The following CHPT1 variants were observed in gnomAD, a reference collection of about 807,000 sequenced individuals.
CHPT1 encodes the protein cholinephosphotransferase 1.
CHPT1 carries 36 observed loss-of-function variants against 47.6 expected under a neutral mutation model. That is an observed-to-expected ratio of 0.76 (90% confidence interval 0.58 to 1.00). CHPT1 has a LOEUF of 1.00. Among genes scored for constraint, CHPT1 ranks in the 50% least tolerant of loss-of-function variants. The pLI is 0.00. For synonymous variants in CHPT1, 194 were observed against 186.3 expected, an observed-to-expected ratio of 1.04 and a Z score of -0.33; for missense variants, 458 against 498.1, an observed-to-expected ratio of 0.92 and a Z score of 0.77.
rs544388294 is a variant in CHPT1 at position 101,702,759 on chromosome 12, C to T, written c.273+4625C>T. On this transcript the variant is annotated intron_variant, in intron 1 of 8. Coordinates refer to ENST00000229266, the MANE Select transcript of CHPT1 (RefSeq NM_020244.3). ...ACTTTTCAAGCATCATTTATTAAGG[C>T]AGGACTCTTGTAAGGGCGTGACCTC... is the stretch of plus-strand genomic sequence containing the variant. Among the ~76,000 whole-genome samples the T allele has an allele frequency of 3.1e-4, 47 of 152,080 alleles. No homozygotes were observed. In the South Asian group the frequency reaches 8.1e-3, roughly 26 times the overall value.
rs1348933662 is a variant in CHPT1, at chr12:101,728,833, A to C, written c.1177-68A>C. 2.6e-6 allele frequency: 4 copies of C among 1,566,478 alleles called. No individual in the cohort carries two copies. The African/African-American group carries it at 5.4e-5, about 21-fold the overall frequency. The stretch of plus-strand genomic sequence containing the variant: ...ACAGGTTTATGATTAAAGATGTTAC[A>C]ATTAAACTATTCTAAAGACTTACAA... On this transcript the variant is annotated intron_variant, in intron 8 of 8. Coordinates refer to ENST00000229266, the MANE Select transcript of CHPT1 (RefSeq NM_020244.3).
intron 1 of CHPT1, among the ~76,000 whole-genome samples, chr12:101,710,357 A>G (rs1036510593): frequency 6.7e-6 from 1 of 149,100 alleles, no homozygotes; most frequent in Admixed American, 6.8e-5. Flanking sequence ...GAACAAAAAA[A>G]GGAAAGAAAA....
At chr12:101,722,735 GA>G (rs1951874008) in intron 5 of CHPT1, among the ~76,000 whole-genome samples, 1 of 147,410 alleles carries the variant, frequency 6.8e-6, no homozygotes. Context: ...AAGAAAATAG[GA>G]AAAAAGAAGG....
At chr12:101,721,102 T>C (rs911488043) in intron 5 of CHPT1, among the ~76,000 whole-genome samples, 2 of 152,064 alleles carry the variant, frequency 1.3e-5, no homozygotes, top group East Asian at 3.9e-4. Flanking sequence ...GCCAACATGG[T>C]GAAACCCTGT....
intron 8 of CHPT1, chr12:101,727,673 C>T (rs1032061021): frequency 6.6e-6 from 1 of 152,140 alleles, no homozygotes; most frequent in African/African-American, 2.4e-5. Flanking sequence ...ATTGGTAAAA[C>T]TTCCCAAATA....
chr12:101,702,889 G>A (rs747406780), intron 1 of CHPT1, among the ~76,000 whole-genome samples: 55 of 152,232 alleles, frequency 3.6e-4, no homozygotes, highest in Middle Eastern at 3.4e-3. Context: ...GCCTTTGCAG[G>A]ACTGTGAGAA....
chr12:101,714,725 TAAG>T, intron 3 of CHPT1, 80 bp downstream of exon 3: 1 of 1,381,008 alleles, frequency 7.2e-7, no homozygotes. Context: ...TCATCGATAA[TAAG>T]GAGAACAAAT....
chr12:101,705,282 C>G (rs1446422588), intron 1 of CHPT1, among the ~76,000 whole-genome samples: 6 of 98,972 alleles, frequency 6.1e-5, no homozygotes, highest in Non-Finnish European at 9.6e-5. Context: ...AGGCTGGGCT[C>G]GAACTCCTGA....
At chr12:101,728,436 A>G (rs1446131341) in intron 8 of CHPT1, 6 of 156,392 alleles carry the variant, frequency 3.8e-5, no homozygotes, top group Non-Finnish European at 2.8e-5. Flanking sequence ...TAGTGATTTA[A>G]TGTTCAGAGG....
intron 1 of CHPT1, among the ~76,000 whole-genome samples, chr12:101,699,286 C>T (rs556677800): frequency 6.6e-6 from 1 of 152,112 alleles, no homozygotes; most frequent in Non-Finnish European, 1.5e-5. Flanking sequence ...CAAGGTTTCA[C>T]CATGTTGGCC....
intron 8 of CHPT1, chr12:101,727,132 T>C (rs1412426929): frequency 6.6e-6 from 1 of 152,156 alleles, no homozygotes; most frequent in Non-Finnish European, 1.5e-5. Flanking sequence ...ATATTCCCTT[T>C]CATGAAAAAT....
At chr12:101,703,966 C>G (rs2137000831) in intron 1 of CHPT1, among the ~76,000 whole-genome samples, 1 of 152,292 alleles carries the variant, frequency 6.6e-6, no homozygotes, top group East Asian at 1.9e-4. Context: ...TAACAGCATA[C>G]TCGCATTACA....
chr12:101,726,238 T>C (rs1169309263), intron 7 of CHPT1, 56 bp from the exon 8 acceptor site: 1 of 1,157,150 alleles, frequency 8.6e-7, no homozygotes, highest in Non-Finnish European at 1.3e-6. Flanking sequence ...AGAATAGTGC[T>C]ACTTGAGAAA....
intron 6 of CHPT1, among the ~76,000 whole-genome samples, 177 bp from the exon 7 acceptor site, chr12:101,723,545 A>T (rs1047585759): frequency 6.6e-6 from 1 of 152,214 alleles, no homozygotes; most frequent in African/African-American, 2.4e-5. Flanking sequence ...AAATTTAAAC[A>T]CTGGAAACTT....
At chr12:101,720,034 T>TGTACAGGGCTTATC (rs1412489966) in intron 4 of CHPT1, 89 bp from the exon 5 acceptor site, 1 of 749,104 alleles carries the variant, frequency 1.3e-6, no homozygotes, top group African/African-American at 1.8e-5. Context: ...GATAGCTTAT[T>TGTACAGGGCTTATC]GTACAGGGCT....
chr12:101,726,361 A>T lies in CHPT1; in HGVS notation c.1133A>T (p.His378Leu), dbSNP rs1481227235. Reference protein sequence around the residue: ...ALCLQISRHLHLNIFKTACHQ... With the variant: ...ALCLQISRHLLLNIFKTACHQ... ...TGCCTGCAAATTTCAAGACACCTTCATCTAAATATATTCAAGACTGCATGT... is the reference window on the plus strand; with the variant it reads ...TGCCTGCAAATTTCAAGACACCTTCTTCTAAATATATTCAAGACTGCATGT... The change falls in exon 8 of 9, where the codon CAT becomes CTT. Residue 378 changes from histidine (H) to leucine (L), a missense_variant. His to Leu is a moderately conservative substitution (Grantham distance 99). Transcript: ENST00000229266. 1 of 1,613,308 alleles carries T rather than the reference A, an allele frequency of 6.2e-7. No homozygotes were observed. Among genetic ancestry groups the T allele is most frequent in the Non-Finnish European group, 8.5e-7 (1 of 1,179,544 alleles).
chr12:101,698,084 G>A lies in CHPT1; in HGVS notation c.223G>A (p.Val75Met), dbSNP rs369508471. ...CACCCTGCTGGGGCTCGCCGTCAACGTGGTCACCACGCTCGTGCTCATCTC... is the reference window on the plus strand; with the variant it reads ...CACCCTGCTGGGGCTCGCCGTCAACATGGTCACCACGCTCGTGCTCATCTC... ...SITLLGLAVN[V>M]VTTLVLISYC... Residue 75 changes from valine to methionine, a missense_variant, in exon 1 of 9, where the codon GTG becomes ATG. By Grantham distance (21) the Val-to-Met change is conservative (BLOSUM62 1). Coordinates refer to ENST00000229266, the MANE Select transcript of CHPT1 (RefSeq NM_020244.3). The A allele has an allele frequency of 1.3e-6, 2 of 1,566,830 alleles. No homozygotes were observed. Among genetic ancestry groups the A allele is most frequent in the Non-Finnish European group, 1.7e-6 (2 of 1,164,550 alleles).
chr12:101,699,545 G>A (rs913609127), intron 1 of CHPT1, among the ~76,000 whole-genome samples: 22 of 151,738 alleles, frequency 1.4e-4, no homozygotes, highest in African/African-American at 5.1e-4. Flanking sequence ...CTGCCACCAC[G>A]CCCGGCTAAT....
In CHPT1 at chr12:101,726,131, A is replaced by T. The variant is rs112578085; in HGVS notation, c.1066-163A>T. 5.9e-3 allele frequency among the ~76,000 whole-genome samples: 893 copies of T among 152,266 alleles called. 6 individuals carry two copies. Among genetic ancestry groups the T allele is most frequent in the African/African-American group, 0.02 (851 of 41,570 alleles). ...AATAACCTGCATTTTCCAGAGGACT[A>T]CAGTGAGGTCCAAATTTGAAATGTA... is the stretch of plus-strand genomic sequence containing the variant. On this transcript the variant is annotated intron_variant, in intron 7 of 8. Transcript: ENST00000229266.
Sources: gnomAD v4.1 joint callset for allele counts (sites outside exome capture counted in the v4.1 genomes callset) on GRCh38, gnomAD v4.1.1 for gene constraint, MANE v1.5 for transcripts, NCBI Gene and HGNC (gene_info 2026-07-23, HGNC 2026-07-21) for gene names.